The following SLC12A7 variants were observed in gnomAD, a reference collection of about 807,000 sequenced individuals.
SLC12A7 encodes the protein K-Cl cotransporter 4.
In SLC12A7, 100 loss-of-function variants were observed where a neutral mutation model predicts 120.6. That is an observed-to-expected ratio of 0.83 (90% confidence interval 0.71 to 0.98). The LOEUF is 0.98. Among genes scored for constraint, SLC12A7 ranks in the 50% least tolerant of loss-of-function variants. The pLI, the probability that SLC12A7 is intolerant of heterozygous loss-of-function variation, is 0.00. For missense variants in SLC12A7, 1,373 were observed against 1,548.1 expected (o/e 0.89, Z 1.90); for synonymous variants, 760 against 678.0 (o/e 1.12, Z -1.88).
At chr5:1,087,632 G>A (rs1740016204) in intron 5 of SLC12A7, among the ~76,000 whole-genome samples, 1 of 152,212 alleles carries the variant, frequency 6.6e-6, no homozygotes, top group Admixed American at 6.5e-5. Context: ...CCTGAGGCCG[G>A]GGAAGTCCGC....
the SLC12A7 span, among the ~76,000 whole-genome samples, chr5:1,150,327 C>T: frequency 2.0e-5 from 3 of 150,824 alleles, no homozygotes; most frequent in Admixed American, 6.6e-5. Flanking sequence ...GACATCCATG[C>T]ACACACACCT....
rs1445036174 is a variant in SLC12A7, at chr5:1,083,998, A to C, written c.918-42T>G. 14 of 1,569,940 alleles carry C rather than the reference A, an allele frequency of 8.9e-6. No individual in the cohort carries two copies. In the Admixed American group the frequency reaches 2.4e-4, roughly 27 times the overall value. On this transcript the variant is annotated intron_variant, in intron 7 of 23. Coordinates refer to ENST00000264930, the MANE Select transcript of SLC12A7 (RefSeq NM_006598.3). ...GGCACGGCACGTGTGCTGCCACCGA[A>C]GTGGCTTTTACTGCCCCACCCAGCT...
chr5:1,075,581 T>G, intron 14 of SLC12A7, 91 bp from the exon 15 acceptor site: 1 of 1,486,958 alleles, frequency 6.7e-7, no homozygotes. Flanking sequence ...CCTCCCTCAG[T>G]AAAACTCTCT....
At position 1,086,898 on chromosome 5, in the gene SLC12A7, C is replaced by T. The variant is rs779638373; in HGVS notation, c.675+5G>A. The T allele has an allele frequency of 1.9e-6, 3 of 1,612,364 alleles. No individual in the cohort carries two copies. ...GTGGGAACCCTTCCAAAGCAGCACA[C>T]TTACCAGAAAAATCTCGATGGTCCC... is the stretch of plus-strand genomic sequence containing the variant. On this transcript the variant is annotated splice_donor_5th_base_variant and intron_variant, in intron 6 of 23. Coordinates refer to ENST00000264930, the MANE Select transcript of SLC12A7 (RefSeq NM_006598.3).
chr5:1,144,640 G>A, the SLC12A7 span, among the ~76,000 whole-genome samples: 2 of 152,218 alleles, frequency 1.3e-5, no homozygotes, highest in African/African-American at 2.4e-5. Flanking sequence ...CCAGCGGACC[G>A]CACCACACTT....
At chr5:1,098,261 GCACGCCCAGGCCCCCACAACC>G in intron 1 of SLC12A7, among the ~76,000 whole-genome samples, 4 of 31,546 alleles carry the variant, frequency 1.3e-4, no homozygotes, top group East Asian at 9.8e-4. Context: ...CTAACCCTCT[GCACGCCCAGGCCCCCACAACC>G]CTCTGCAAGC....
chr5:1,145,846 A>G, the SLC12A7 span, among the ~76,000 whole-genome samples: 1 of 151,746 alleles, frequency 6.6e-6, no homozygotes, highest in East Asian at 1.9e-4. This position sits in a 1 kb window ranked among gnomAD's most constrained non-coding sequence, Gnocchi z 4.4. Flanking sequence ...TCTTTTTGGT[A>G]TTTTTTGTAT....
At chr5:1,124,221 G>T in the SLC12A7 span, among the ~76,000 whole-genome samples, 1 of 152,340 alleles carries the variant, frequency 6.6e-6, no homozygotes, top group African/African-American at 2.4e-5. Flanking sequence ...TCAGCATAGA[G>T]ATCAGCGCCC....
intron 22 of SLC12A7, among the ~76,000 whole-genome samples, chr5:1,053,966 C>T (rs1211576517): frequency 6.6e-6 from 1 of 152,226 alleles, no homozygotes; most frequent in African/African-American, 2.4e-5. Flanking sequence ...GCCTCCTCTC[C>T]GAGGGTCCTG....
chr5:1,076,401 C>T (rs111228369), intron 13 of SLC12A7, among the ~76,000 whole-genome samples, 165 bp from the exon 14 acceptor site: 2,183 of 49,058 alleles, frequency 0.044, 58 homozygotes, highest in African/African-American at 0.13. Flanking sequence ...GAATCAGGCC[C>T]CCTCAGGTTC....
At chr5:1,082,578 C>G (rs1294231823) in intron 8 of SLC12A7, among the ~76,000 whole-genome samples, 1 of 135,200 alleles carries the variant, frequency 7.4e-6, no homozygotes, top group Non-Finnish European at 1.6e-5. Context: ...AAAGTCCGGG[C>G]TTCCTCTCTA....
chr5:1,096,511 C>T (rs1361126587), intron 1 of SLC12A7, among the ~76,000 whole-genome samples: 3 of 151,904 alleles, frequency 2.0e-5, no homozygotes, highest in African/African-American at 7.3e-5. Context: ...TTCCCCACTC[C>T]TCTTCAATGG....
At position 1,086,938 on chromosome 5, in the gene SLC12A7, C is replaced by T. The variant is rs1269122491; in HGVS notation, c.640G>A (p.Ala214Thr). 10 of 1,612,782 alleles carry T rather than the reference C, an allele frequency of 6.2e-6. No homozygotes were observed. Among genetic ancestry groups the T allele is most frequent in the Non-Finnish European group, 8.5e-6 (10 of 1,179,996 alleles). The change falls in exon 6 of 24, where the codon GCC becomes ACC. Residue 214 changes from alanine to threonine, a missense_variant. Physicochemically the swap from Ala to Thr is moderately conservative, Grantham distance 58. Coordinates refer to ENST00000264930, the MANE Select transcript of SLC12A7 (RefSeq NM_006598.3). ...CFYLGTTFAG[A>T]MYILGTIEIF... is the part of the protein sequence containing the mutation. ...TCGATGGTCCCCAAAATATACATGG[C>T]CCCTGCAAACGTCGTGCCCAGGTAG...
the SLC12A7 span, among the ~76,000 whole-genome samples, chr5:1,127,736 T>C: frequency 3.1e-3 from 472 of 152,302 alleles, 2 homozygotes; most frequent in African/African-American, 0.011. Flanking sequence ...TTGATTTAAC[T>C]TTGCCCCCCT....
Position 1,073,687 on chromosome 5 carries a change from C to G in SLC12A7, c.2187G>C (p.Ser729=), listed in dbSNP as rs547552720. 12 of 1,589,776 alleles carry G rather than the reference C, an allele frequency of 7.5e-6. No homozygotes were observed. Among genetic ancestry groups the G allele is most frequent in the East Asian group, 2.4e-5 (1 of 42,486 alleles). Residue 729 remains serine (S), a synonymous_variant, in exon 17 of 24, where the codon TCG becomes TCC. Transcript: ENST00000264930. Reference sequence around the variant, plus strand: ...TGTCCAGGTACGTCCCCTCCAGCACCGAGCCCACGATGGTCAGGCCCTTGC... The same window carrying G: ...TGTCCAGGTACGTCCCCTCCAGCACGGAGCCCACGATGGTCAGGCCCTTGC... ...KAGKGLTIVG[S]VLEGTYLDKH...
chr5:1,061,783 C>T (rs1291519780), intron 20 of SLC12A7, among the ~76,000 whole-genome samples: 1 of 134,716 alleles, frequency 7.4e-6, no homozygotes, highest in East Asian at 2.1e-4. Flanking sequence ...AACCCCATTG[C>T]TACTAAAAAT....
rs571203952 is a variant in SLC12A7, at chr5:1,052,295, C to T, written c.*65G>A. 1 of 1,370,304 alleles carries T rather than the reference C, an allele frequency of 7.3e-7. No individual in the cohort carries two copies. The allele number at this position is 1,370,304 out of a possible 1,614,324, so 84.9% of individuals were successfully genotyped here. ...CTGCCGTCTGTTTCCCTGGGCCAAG[C>T]CCAGGCCCAGGCTGCCCACGCCGTC... On this transcript the variant is annotated 3_prime_UTR_variant, in exon 24 of 24. Transcript: ENST00000264930.
chr5:1,130,185 C>A, the SLC12A7 span, among the ~76,000 whole-genome samples: 1 of 152,158 alleles, frequency 6.6e-6, no homozygotes, highest in Non-Finnish European at 1.5e-5. Flanking sequence ...AGCAGCCTCC[C>A]GGGCAGCCCA....
intron 1 of SLC12A7, among the ~76,000 whole-genome samples, chr5:1,100,340 G>T (rs1741891063): frequency 6.6e-6 from 1 of 152,336 alleles, no homozygotes; most frequent in Admixed American, 6.5e-5. Context: ...CACTGGGAAA[G>T]AAGCCCATGT....
Sources: allele counts gnomAD v4.1 joint callset (sites outside exome capture counted in the v4.1 genomes callset), GRCh38; gene constraint gnomAD v4.1.1; non-coding constraint Gnocchi (gnomAD v3.1); transcripts MANE v1.5; gene names NCBI Gene and HGNC (gene_info 2026-07-23, HGNC 2026-07-21).